The following PTPRG variants were observed in gnomAD, a reference collection of about 807,000 sequenced individuals.
The protein encoded by PTPRG is receptor-type tyrosine-protein phosphatase gamma.
A neutral mutation model predicts 165.3 loss-of-function variants in PTPRG; 102 were observed. The ratio of observed to expected loss-of-function variants is 0.62; its 90% CI spans 0.53 to 0.73. PTPRG has a LOEUF of 0.73. Among genes scored for constraint, PTPRG ranks in the 30% least tolerant of loss-of-function variants. The pLI, the probability that PTPRG is intolerant of heterozygous loss-of-function variation, is 0.00. For missense variants in PTPRG, 1,866 were observed against 1,861.4 expected (o/e 1.00, Z -0.05); for synonymous variants, 675 against 669.5 (o/e 1.01, Z -0.13).
chr3:61,829,416 C>T (rs745355961), intron 2 of PTPRG, among the ~76,000 whole-genome samples: 10 of 152,212 alleles, frequency 6.6e-5, no homozygotes, highest in Non-Finnish European at 1.0e-4. Context: ...TCTGTCGAGG[C>T]GGGTGCAGGC....
At chr3:62,243,055 G>T (rs961875095) in intron 14 of PTPRG, among the ~76,000 whole-genome samples, 1 of 152,074 alleles carries the variant, frequency 6.6e-6, no homozygotes, top group Non-Finnish European at 1.5e-5. Flanking sequence ...CATTAGGGCC[G>T]CAATGAGCAG....
intron 3 of PTPRG, among the ~76,000 whole-genome samples, chr3:61,994,069 A>G (rs922082820): frequency 6.6e-6 from 1 of 152,198 alleles, no homozygotes; most frequent in African/African-American, 2.4e-5. Flanking sequence ...TTTCTTCCTG[A>G]GGAGCCGTAA....
chr3:61,904,168 A>G lies in PTPRG; in HGVS notation c.191-85457A>G, dbSNP rs2038578181. Reference sequence around the variant, plus strand: ...CCTCATCCTGTCCTTCCTCATTTTTAACACCCAAGTGCAGCTGCAGGGGCT... The same window carrying G: ...CCTCATCCTGTCCTTCCTCATTTTTGACACCCAAGTGCAGCTGCAGGGGCT... On this transcript the variant is annotated intron_variant, in intron 2 of 29. Coordinates refer to ENST00000474889, the MANE Select transcript of PTPRG (RefSeq NM_002841.4). 2.6e-5 allele frequency among the ~76,000 whole-genome samples: 4 copies of G among 152,158 alleles called. No individual in the cohort carries two copies. The South Asian group carries it at 8.3e-4, about 32-fold the overall frequency.
chr3:61,868,791 C>T (rs2037480469), intron 2 of PTPRG, among the ~76,000 whole-genome samples: 1 of 152,110 alleles, frequency 6.6e-6, no homozygotes. Flanking sequence ...CTCTAGTTCT[C>T]ATGTTATTTG....
At chr3:62,076,186 C>G (rs1036512318) in intron 4 of PTPRG, among the ~76,000 whole-genome samples, 47 of 152,124 alleles carry the variant, frequency 3.1e-4, no homozygotes, top group African/African-American at 1.1e-3. Context: ...GCTTAGGAGG[C>G]TGAGGTGGGA....
chr3:61,958,903 A>T (rs6793053), intron 2 of PTPRG, among the ~76,000 whole-genome samples: 23,689 of 152,152 alleles, frequency 0.16, 1,981 homozygotes, highest in East Asian at 0.25. Flanking sequence ...TTTGGAGAAT[A>T]CAAGGATGTC....
At chr3:61,894,301 C>CAAAAAAAAAAAAAAAAAAAAAAAAA (rs767479285) in intron 2 of PTPRG, among the ~76,000 whole-genome samples, 3 of 49,850 alleles carry the variant, frequency 6.0e-5, no homozygotes, top group African/African-American at 2.0e-4. Flanking sequence ...GACTCTGTGT[C>CAAAAAAAAAAAAAAAAAAAAAAAAA]AAAAAAAAAA....
At chr3:61,960,045 CCTT>C (rs1437423122) in intron 2 of PTPRG, among the ~76,000 whole-genome samples, 1 of 152,174 alleles carries the variant, frequency 6.6e-6, no homozygotes, top group Non-Finnish European at 1.5e-5. Flanking sequence ...TTACGTGCCA[CCTT>C]CTCAGGAGTC....
chr3:62,187,513 A>G (rs927492533), intron 8 of PTPRG, among the ~76,000 whole-genome samples: 6 of 152,202 alleles, frequency 3.9e-5, no homozygotes, highest in African/African-American at 1.4e-4. Context: ...GTCCATAGAT[A>G]TTTCTGCTGG....
In PTPRG at chr3:62,034,781, C is replaced by T. The variant is rs1019407474; in HGVS notation, c.519+31284C>T. ...ATTAAAAAATAAATAAAATCAAAGC[C>T]ATGGCTTTGATGAGTTTTCTGTATC... On this transcript the variant is annotated intron_variant, in intron 4 of 29. Coordinates refer to ENST00000474889, the MANE Select transcript of PTPRG (RefSeq NM_002841.4). Among the ~76,000 whole-genome samples, 17 of 152,316 alleles carry T rather than the reference C, an allele frequency of 1.1e-4. No homozygotes were observed. In the East Asian group the frequency reaches 2.5e-3, roughly 22 times the overall value.
chr3:61,623,845 CAA>C (rs1459662478), intron 1 of PTPRG, among the ~76,000 whole-genome samples: 1 of 152,146 alleles, frequency 6.6e-6, no homozygotes, highest in African/African-American at 2.4e-5. Flanking sequence ...CTTGAAGAAA[CAA>C]AACATCTGAG....
chr3:62,078,225 C>A lies in PTPRG; in HGVS notation c.582C>A (p.Asn194Lys). The A allele has an allele frequency of 6.2e-7, 1 of 1,608,526 alleles. No individual in the cohort carries two copies. Among genetic ancestry groups the A allele is most frequent in the Non-Finnish European group, 8.5e-7 (1 of 1,177,066 alleles). The change falls in exon 5 of 30, where the codon AAC (asparagine) becomes AAA (lysine). Residue 194 changes from asparagine to lysine, a missense_variant. By Grantham distance (94) the Asn-to-Lys change is moderately conservative. Transcript: ENST00000474889. ...FDSFQTAISENRIIGAMAIFF... is the reference protein window; with the variant it reads ...FDSFQTAISEKRIIGAMAIFF... ...GCTTTCAAACCGCAATTTCTGAGAA[C>A]AGAATAATCGGAGCCATGGCCATAT...
chr3:62,179,709 C>G (rs997934721), intron 8 of PTPRG, among the ~76,000 whole-genome samples: 1 of 152,246 alleles, frequency 6.6e-6, no homozygotes, highest in Non-Finnish European at 1.5e-5. Context: ...ATAGCCTGGT[C>G]TCTCCATCAA....
rs896234667 is a variant in PTPRG at position 61,856,445 on chromosome 3, G to A, written c.190+107463G>A. On this transcript the variant is annotated intron_variant, in intron 2 of 29. Coordinates refer to ENST00000474889, the MANE Select transcript of PTPRG (RefSeq NM_002841.4). ...CCAAAAGAAACAGTTACATGGAAAC[G>A]AAGCCCACAGTTTGCACCATGATTT... 6.6e-5 allele frequency among the ~76,000 whole-genome samples: 10 copies of A among 152,050 alleles called. No homozygotes were observed. The South Asian group carries it at 8.3e-4, about 13-fold the overall frequency.
At chr3:61,769,094 C>T (rs1248260456) in intron 2 of PTPRG, among the ~76,000 whole-genome samples, 1 of 152,124 alleles carries the variant, frequency 6.6e-6, no homozygotes, top group Non-Finnish European at 1.5e-5. Flanking sequence ...AATGTGATGA[C>T]AATATGTATT....
intron 3 of PTPRG, among the ~76,000 whole-genome samples, chr3:61,997,526 C>T (rs2107710932): frequency 6.6e-6 from 1 of 152,250 alleles, no homozygotes; most frequent in Non-Finnish European, 1.5e-5. Context: ...ATCTTGTTGG[C>T]ACTTCCCCGG....
chr3:61,964,367 C>T (rs2040221429), intron 2 of PTPRG, among the ~76,000 whole-genome samples: 1 of 152,120 alleles, frequency 6.6e-6, no homozygotes, highest in African/African-American at 2.4e-5. Flanking sequence ...GAAAGGAGAT[C>T]TTTTCTTATG....
At position 62,190,389 on chromosome 3, in the gene PTPRG, A is replaced by G. The variant is rs1387438214; in HGVS notation, c.1034-1080A>G. ...CCATGAAGGCAGGCAGCACGGCCACACGGGTCTGGACACCCCTGAGAAAGC... is the reference window on the plus strand; with the variant it reads ...CCATGAAGGCAGGCAGCACGGCCACGCGGGTCTGGACACCCCTGAGAAAGC... On this transcript the variant is annotated intron_variant, in intron 8 of 29. Transcript: ENST00000474889. This position sits in a 1 kb window ranked among gnomAD's most constrained non-coding sequence, Gnocchi z 5.2. 6.6e-6 allele frequency among the ~76,000 whole-genome samples: 1 copy of G among 152,218 alleles called. No individual in the cohort carries two copies. The highest frequency in any genetic ancestry group is 1.5e-5 in the Non-Finnish European group (1 of 68,044).
At chr3:62,285,930 A>ACTAT (rs1576225988) in intron 28 of PTPRG, among the ~76,000 whole-genome samples, 1 of 152,190 alleles carries the variant, frequency 6.6e-6, no homozygotes, top group Admixed American at 6.6e-5. Context: ...ATATAAAAAT[A>ACTAT]CTATCTGCCT....
Sources: allele counts gnomAD v4.1 joint callset (sites outside exome capture counted in the v4.1 genomes callset), GRCh38; gene constraint gnomAD v4.1.1; non-coding constraint Gnocchi (gnomAD v3.1); transcripts MANE v1.5; gene names NCBI Gene and HGNC (gene_info 2026-07-23, HGNC 2026-07-21).